The following NPHP4 variants were observed in gnomAD, a reference collection of about 807,000 sequenced individuals.
The protein encoded by NPHP4 is nephrocystin-4.
A neutral mutation model predicts 155.8 loss-of-function variants in NPHP4; 151 were observed. That is an observed-to-expected ratio of 0.97 (90% CI 0.85 to 1.11). The LOEUF (loss-of-function observed/expected upper bound fraction) is 1.11, where lower values mean the gene tolerates loss of function less well. Ranked by LOEUF, NPHP4 falls within the 50% of genes least tolerant of loss-of-function variation. The pLI, the probability that NPHP4 is intolerant of heterozygous loss-of-function variation, is 0.00. For missense variants in NPHP4, 1,956 were observed against 1,925.7 expected (o/e 1.02, Z -0.29); for synonymous variants, 845 against 816.8 (o/e 1.03, Z -0.59).
At chr1:5,877,488 C>G (rs1356746380) in intron 19 of NPHP4, 190 bp from the exon 20 acceptor site, 2 of 427,538 alleles carry the variant, frequency 4.7e-6, no homozygotes, top group Non-Finnish European at 8.4e-6. Flanking sequence ...CCCTGGTTTC[C>G]ACAGCATCCC....
At chr1:5,958,389 C>T (rs1649642534) in intron 6 of NPHP4, among the ~76,000 whole-genome samples, 1 of 152,024 alleles carries the variant, frequency 6.6e-6, no homozygotes, top group African/African-American at 2.4e-5. Flanking sequence ...CCTGTCTCTA[C>T]AAAACATACA....
At chr1:5,931,755 A>G (rs924597270) in intron 10 of NPHP4, among the ~76,000 whole-genome samples, 2 of 151,588 alleles carry the variant, frequency 1.3e-5, no homozygotes, top group Non-Finnish European at 2.9e-5. Flanking sequence ...AAAAAAAAAA[A>G]AAACTTTCTT....
At chr1:5,934,181 G>C (rs1160345971) in intron 9 of NPHP4, among the ~76,000 whole-genome samples, 1 of 152,146 alleles carries the variant, frequency 6.6e-6, no homozygotes, top group African/African-American at 2.4e-5. Context: ...TCTGAACCAA[G>C]GCCCTGCCTG....
Position 5,889,078 on chromosome 1 carries a change from C to T in NPHP4, c.2305-1612G>A, listed in dbSNP as rs747264849. The stretch of plus-strand genomic sequence containing the variant: ...CACTGAAGGCAGCACAGGAGCCGTC[C>T]GTCCCTAGAGGAAACTCTTCTCATC... On this transcript the variant is annotated intron_variant, in intron 17 of 29. Coordinates refer to ENST00000378156, the MANE Select transcript of NPHP4 (RefSeq NM_015102.5). This position sits in a 1 kb window ranked among gnomAD's most constrained non-coding sequence, Gnocchi z 4.2. Among the ~76,000 whole-genome samples, 10 of 152,204 alleles carry T rather than the reference C, an allele frequency of 6.6e-5. No individual in the cohort carries two copies. The highest frequency in any genetic ancestry group is 1.0e-4 in the Non-Finnish European group (7 of 68,042).
rs1570267698 is a variant in NPHP4, at chr1:5,889,576, C to G, written c.2304+1292G>C. 6.6e-6 allele frequency among the ~76,000 whole-genome samples: 1 copy of G among 152,316 alleles called. No individual in the cohort carries two copies. Among genetic ancestry groups the G allele is most frequent in the African/African-American group, 2.4e-5 (1 of 41,564 alleles). ...ACAGGGGAGCCACTGCCACCCCACA[C>G]ATGCCCAGCGGGACCCGGCTCTGCC... On this transcript the variant is annotated intron_variant, in intron 17 of 29. Transcript: ENST00000378156. The surrounding 1 kb of genome is among the most constrained non-coding windows in gnomAD (Gnocchi z 4.2).
chr1:5,965,262 G>GT (rs1651267949), intron 5 of NPHP4, among the ~76,000 whole-genome samples: 1 of 151,994 alleles, frequency 6.6e-6, no homozygotes, highest in Admixed American at 6.6e-5. Context: ...TCTGAATCAT[G>GT]TGAGTGTATT....
At chr1:5,876,974 T>C in intron 20 of NPHP4, 119 bp downstream of exon 20, 1 of 691,392 alleles carries the variant, frequency 1.4e-6, no homozygotes, top group Non-Finnish European at 2.1e-6. Context: ...TCTTATATTC[T>C]GTCCCCAGGA....
chr1:5,969,922 T>C (rs1652259173), intron 3 of NPHP4, among the ~76,000 whole-genome samples: 2 of 152,232 alleles, frequency 1.3e-5, no homozygotes, highest in Non-Finnish European at 2.9e-5. Context: ...GAAAATCACC[T>C]TGAGATCATT....
rs1350885649 is a variant in NPHP4 at position 5,892,699 on chromosome 1, C to G, written c.2144-1671G>C. 2.6e-5 allele frequency among the ~76,000 whole-genome samples: 4 copies of G among 152,070 alleles called. No individual in the cohort carries two copies. Among genetic ancestry groups the G allele is most frequent in the Non-Finnish European group, 4.4e-5 (3 of 68,002 alleles). ...CTCCCCACTGCAGCCTCAGACCTCT[C>G]CCCTCCCTGTCCAGCTGAGACAAGT... On this transcript the variant is annotated intron_variant, in intron 16 of 29. Transcript: ENST00000378156. This position sits in a 1 kb window ranked among gnomAD's most constrained non-coding sequence, Gnocchi z 4.5.
At chr1:5,868,430 T>C (rs777961493) in intron 23 of NPHP4, 46 of 252,298 alleles carry the variant, frequency 1.8e-4, no homozygotes, top group Non-Finnish European at 2.3e-4. Context: ...TTAAAAACCA[T>C]ATTGTCTGAA....
intron 2 of NPHP4, among the ~76,000 whole-genome samples, chr1:5,982,938 C>A (rs758182673): frequency 3.9e-5 from 6 of 152,148 alleles, no homozygotes; most frequent in Non-Finnish European, 8.8e-5. Flanking sequence ...GCCCAGCATA[C>A]GGTCTATCTT....
intron 3 of NPHP4, among the ~76,000 whole-genome samples, chr1:5,969,584 C>A (rs1570693766): frequency 1.3e-5 from 2 of 152,194 alleles, no homozygotes; most frequent in Admixed American, 1.3e-4. Flanking sequence ...GATCCCAGGC[C>A]CACTAGAGCA....
At chr1:5,866,951 G>C in intron 25 of NPHP4, 79 bp downstream of exon 25, 1 of 1,067,592 alleles carries the variant, frequency 9.4e-7, no homozygotes, top group Non-Finnish European at 1.4e-6. Flanking sequence ...GAGGATCCCA[G>C]GATACCCGTG....
rs1217728777 is a variant in NPHP4 at position 5,875,075 on chromosome 1, T to A, written c.2843A>T (p.His948Leu). Residue 948 changes from histidine (H) to leucine (L), a missense_variant, in exon 21 of 30, where the codon CAC (histidine) becomes CTC (leucine). Physicochemically the swap from His to Leu is moderately conservative, Grantham distance 99. Coordinates refer to ENST00000378156, the MANE Select transcript of NPHP4 (RefSeq NM_015102.5). ...GGCGATGACCTGTAGGTCCCGCAAG[T>A]GCTGTGTGCGGACGCTCTGCTGCGC... ...VLAQQSVRTQHLRDLQVIAAY... is the reference protein window; with the variant it reads ...VLAQQSVRTQLLRDLQVIAAY... 3.1e-6 allele frequency: 5 copies of A among 1,606,392 alleles called. No homozygotes were observed. The African/African-American group carries it at 6.7e-5, about 21-fold the overall frequency.
At chr1:5,887,578 A>AG in intron 17 of NPHP4, 112 bp from the exon 18 acceptor site, 1 of 1,176,288 alleles carries the variant, frequency 8.5e-7, no homozygotes, top group Non-Finnish European at 1.2e-6. Context: ...TGTGGGCGGG[A>AG]GGGGGTGTGC....
rs946614698 is a variant in NPHP4, at chr1:5,910,227, T to A, written c.1442-1014A>T. Among the ~76,000 whole-genome samples the A allele has an allele frequency of 6.6e-6, 1 of 152,184 alleles. No individual in the cohort carries two copies. Among genetic ancestry groups the A allele is most frequent in the Non-Finnish European group, 1.5e-5 (1 of 68,042 alleles). ...GGTGGGAGCCCTGCACACTGAGTCA[T>A]CTGCCTGGCTTCCCTGAGGCCCACA... is the stretch of plus-strand genomic sequence containing the variant. On this transcript the variant is annotated intron_variant, in intron 11 of 29. Coordinates refer to ENST00000378156, the MANE Select transcript of NPHP4 (RefSeq NM_015102.5). The surrounding 1 kb of genome is among the most constrained non-coding windows in gnomAD (Gnocchi z 5.4).
chr1:5,863,765 A>T, intron 29 of NPHP4, 125 bp downstream of exon 29: 2 of 1,052,596 alleles, frequency 1.9e-6, no homozygotes, highest in East Asian at 4.9e-5. Flanking sequence ...GGTACCTGTC[A>T]CCGCCCTGGG....
At chr1:5,980,681 G>A (rs981948750) in intron 2 of NPHP4, among the ~76,000 whole-genome samples, 2 of 152,038 alleles carry the variant, frequency 1.3e-5, no homozygotes, top group African/African-American at 4.8e-5. Context: ...GTCATGAAGG[G>A]AGAAAAGTGG....
rs1036769346 is a variant in NPHP4 at position 5,910,825 on chromosome 1, C to A, written c.1442-1612G>T. 6.6e-6 allele frequency among the ~76,000 whole-genome samples: 1 copy of A among 152,218 alleles called. No homozygotes were observed. Among genetic ancestry groups the A allele is most frequent in the Admixed American group, 6.5e-5 (1 of 15,288 alleles). On this transcript the variant is annotated intron_variant, in intron 11 of 29. Transcript: ENST00000378156. The surrounding 1 kb of genome is among the most constrained non-coding windows in gnomAD (Gnocchi z 5.4). ...GAACCCATCCAAGGAGGTGCTTCCC[C>A]AGCTGCAGGATCTGGTGGAAACCCT...
Sources: gnomAD v4.1 joint callset for allele counts (sites outside exome capture counted in the v4.1 genomes callset) on GRCh38, gnomAD v4.1.1 for gene constraint, Gnocchi (gnomAD v3.1) non-coding constraint, MANE v1.5 for transcripts, NCBI Gene and HGNC (gene_info 2026-07-23, HGNC 2026-07-21) for gene names.